The following KCNIP4 variants were observed in gnomAD, a reference collection of about 807,000 sequenced individuals.
KCNIP4 encodes the protein potassium voltage-gated channel interacting protein 4.
In KCNIP4, 12 loss-of-function variants were observed where a neutral mutation model predicts 34.0. The observed-to-expected ratio is 0.35, with a 90% CI of 0.23 to 0.57. The LOEUF (loss-of-function observed/expected upper bound fraction) is 0.57, where lower values mean the gene tolerates loss of function less well. Among genes scored for constraint, KCNIP4 ranks in the 20% least tolerant of loss-of-function variants. The probability of loss-of-function intolerance (pLI) is 0.83; values close to 1 mark genes in which losing one functional copy is unlikely to be tolerated. For missense variants in KCNIP4, 238 were observed against 311.7 expected (o/e 0.76, Z 1.78); for synonymous variants, 124 against 102.2 (o/e 1.21, Z -1.29).
intron 1 of KCNIP4, among the ~76,000 whole-genome samples, chr4:20,898,897 A>G (rs766069051): frequency 3.6e-4 from 55 of 152,310 alleles, no homozygotes; most frequent in Non-Finnish European, 6.2e-4. Context: ...CACTCATTTT[A>G]ACAACAACTT....
chr4:21,830,698 A>C (rs1015607728), intron 1 of KCNIP4, among the ~76,000 whole-genome samples: 5 of 152,166 alleles, frequency 3.3e-5, no homozygotes, highest in East Asian at 1.9e-4. Flanking sequence ...ACAAATAATA[A>C]TACTACTAGG....
At chr4:21,515,778 C>T (rs968498337) in intron 1 of KCNIP4, among the ~76,000 whole-genome samples, 18 of 152,282 alleles carry the variant, frequency 1.2e-4, no homozygotes, top group African/African-American at 4.3e-4. Context: ...GTCCTTCTTG[C>T]CTTCTCTCTC....
At chr4:21,429,694 A>G (rs1726266347) in intron 1 of KCNIP4, among the ~76,000 whole-genome samples, 1 of 152,060 alleles carries the variant, frequency 6.6e-6, no homozygotes, top group Non-Finnish European at 1.5e-5. Flanking sequence ...ATAGTGTCCC[A>G]TTTTTGTTTT....
chr4:21,348,439 GTGC>G (rs1437025933), intron 1 of KCNIP4, among the ~76,000 whole-genome samples: 1 of 152,156 alleles, frequency 6.6e-6, no homozygotes, highest in East Asian at 1.9e-4. Flanking sequence ...ATTCTGGCCT[GTGC>G]TCCTACAGCA....
At chr4:21,781,601 T>G (rs1337099295) in intron 1 of KCNIP4, among the ~76,000 whole-genome samples, 1 of 152,122 alleles carries the variant, frequency 6.6e-6, no homozygotes. Flanking sequence ...ATCTGTTATT[T>G]ATCGAATAGA....
intron 1 of KCNIP4, among the ~76,000 whole-genome samples, chr4:20,989,579 G>A (rs71607047): frequency 0.015 from 2,295 of 152,236 alleles, 20 homozygotes; most frequent in South Asian, 0.018. Flanking sequence ...GGCATTATCC[G>A]GAAGGTTGCA....
intron 1 of KCNIP4, among the ~76,000 whole-genome samples, chr4:21,559,065 T>C (rs1739302568): frequency 6.6e-6 from 1 of 152,148 alleles, no homozygotes; most frequent in Admixed American, 6.6e-5. Context: ...AACTTAGCCA[T>C]TGTTTTGAAA....
intron 1 of KCNIP4, among the ~76,000 whole-genome samples, chr4:21,506,793 C>T (rs190200451): frequency 4.8e-4 from 73 of 151,482 alleles, no homozygotes; most frequent in African/African-American, 1.7e-3. Flanking sequence ...TTTAATATTG[C>T]TTTTTTTTTC....
intron 1 of KCNIP4, among the ~76,000 whole-genome samples, chr4:21,842,742 A>T (rs779147175): frequency 2.0e-5 from 3 of 152,116 alleles, no homozygotes; most frequent in Non-Finnish European, 4.4e-5. Flanking sequence ...TCTTACTTCA[A>T]ATATTACTTT....
At chr4:20,923,885 T>C (rs948133374) in intron 1 of KCNIP4, among the ~76,000 whole-genome samples, 3 of 152,094 alleles carry the variant, frequency 2.0e-5, no homozygotes, top group Admixed American at 6.6e-5. Flanking sequence ...TTCAATGGAC[T>C]CCAGTTACAC....
intron 1 of KCNIP4, among the ~76,000 whole-genome samples, chr4:21,023,092 G>T (rs1740217600): frequency 6.6e-6 from 1 of 151,952 alleles, no homozygotes; most frequent in Non-Finnish European, 1.5e-5. Flanking sequence ...CAAAGTGCTG[G>T]GATAAGTTTT....
intron 1 of KCNIP4, among the ~76,000 whole-genome samples, chr4:21,294,840 A>T (rs1215417600): frequency 6.6e-6 from 1 of 152,188 alleles, no homozygotes; most frequent in Non-Finnish European, 1.5e-5. Flanking sequence ...TATCATTCAC[A>T]TCTCAACTTG....
At chr4:21,785,433 A>C (rs1719837654) in intron 1 of KCNIP4, among the ~76,000 whole-genome samples, 1 of 151,992 alleles carries the variant, frequency 6.6e-6, no homozygotes, top group African/African-American at 2.4e-5. Flanking sequence ...TCTACTAAAA[A>C]TACAAAAAAT....
At chr4:20,794,153 T>C (rs1037165490) in intron 3 of KCNIP4, among the ~76,000 whole-genome samples, 3 of 152,184 alleles carry the variant, frequency 2.0e-5, no homozygotes, top group Non-Finnish European at 4.4e-5. Flanking sequence ...GTGAGCCCAT[T>C]AAACCTCTTT....
At chr4:20,789,368 C>A (rs551951255) in intron 3 of KCNIP4, among the ~76,000 whole-genome samples, 1 of 152,104 alleles carries the variant, frequency 6.6e-6, no homozygotes, top group African/African-American at 2.4e-5. Context: ...CAATGAACAG[C>A]TTCACAGACA....
chr4:21,524,794 A>AC (rs1735837198), intron 1 of KCNIP4, among the ~76,000 whole-genome samples: 1 of 150,152 alleles, frequency 6.7e-6, no homozygotes, highest in Non-Finnish European at 1.5e-5. Flanking sequence ...TTGACTAGTG[A>AC]TTTTTTTTTT....
At chr4:21,842,955 T>C (rs1472876052) in intron 1 of KCNIP4, among the ~76,000 whole-genome samples, 1 of 152,076 alleles carries the variant, frequency 6.6e-6, no homozygotes, top group African/African-American at 2.4e-5. Context: ...TAGAACAGTA[T>C]ATGGCAAATA....
At chr4:21,653,765 A>C (rs2108975434) in intron 1 of KCNIP4, among the ~76,000 whole-genome samples, 1 of 152,322 alleles carries the variant, frequency 6.6e-6, no homozygotes, top group Middle Eastern at 3.4e-3. Flanking sequence ...AAGCACAGTA[A>C]AGGATTAGTT....
intron 1 of KCNIP4, among the ~76,000 whole-genome samples, chr4:21,105,014 G>C (rs889318257): frequency 6.6e-6 from 1 of 151,740 alleles, no homozygotes; most frequent in Non-Finnish European, 1.5e-5. Context: ...AGTATAGTCT[G>C]AAGTCAGGTA....
Sources: gnomAD v4.1 joint callset for allele counts (sites outside exome capture counted in the v4.1 genomes callset) on GRCh38, gnomAD v4.1.1 for gene constraint, MANE v1.5 for transcripts, NCBI Gene and HGNC (gene_info 2026-07-23, HGNC 2026-07-21) for gene names.